Variants in ZCCHC17 observed in about 807,000 individuals in gnomAD.
ZCCHC17 encodes zinc finger CCHC domain-containing protein 17.
ZCCHC17 carries 18 observed loss-of-function variants against 30.6 expected under a neutral mutation model. The observed-to-expected ratio is 0.59, with a 90% confidence interval of 0.41 to 0.87. The LOEUF (loss-of-function observed/expected upper bound fraction) is 0.87. Among genes scored for constraint, ZCCHC17 ranks in the 40% least tolerant of loss-of-function variants. ZCCHC17 has a pLI of 0.00. For synonymous variants in ZCCHC17, 88 were observed against 92.4 expected (o/e 0.95, Z 0.27); for missense variants, 263 against 284.2 (o/e 0.93, Z 0.54).
At chr1:31,317,173 C>T (rs564640393) in intron 2 of ZCCHC17, among the ~76,000 whole-genome samples, 41 of 151,922 alleles carry the variant, frequency 2.7e-4, no homozygotes, top group Non-Finnish European at 3.2e-4. Context: ...TACAGACGCC[C>T]ACCACCAGAC....
intron 7 of ZCCHC17, 26 bp from the exon 8 acceptor site, chr1:31,364,006 G>A: frequency 6.2e-7 from 1 of 1,607,674 alleles, no homozygotes; most frequent in African/African-American, 1.3e-5. Flanking sequence ...CACATACAGT[G>A]TTGATTTTTA....
chr1:31,304,304 TGTTGCCCAGGGTGGA>T (rs1021592670), intron 1 of ZCCHC17, among the ~76,000 whole-genome samples: 3 of 151,618 alleles, frequency 2.0e-5, no homozygotes, highest in South Asian at 2.1e-4. Flanking sequence ...ACAGAGTCTC[TGTTGCCCAGGGTGGA>T]GTTGCCCAGG....
chr1:31,363,917 C>A, intron 7 of ZCCHC17, 115 bp from the exon 8 acceptor site: 3 of 1,440,036 alleles, frequency 2.1e-6, no homozygotes, highest in Non-Finnish European at 2.7e-6. Flanking sequence ...CCCACCTCGG[C>A]TTCCCAAAGT....
chr1:31,305,860 T>C (rs1313055274), intron 1 of ZCCHC17, among the ~76,000 whole-genome samples: 1 of 152,232 alleles, frequency 6.6e-6, no homozygotes, highest in Non-Finnish European at 1.5e-5. Flanking sequence ...ATTTAAAAAA[T>C]GACAACCATT....
rs1352806294 is a variant in ZCCHC17 at position 31,310,072 on chromosome 1, A to G, written c.-27A>G. ...ACTTGTATTAGCTTTAATAGAAGAG[A>G]AATGGAGGAGCCATAGAATATTAAG... On this transcript the variant is annotated 5_prime_UTR_variant, in exon 2 of 8. Coordinates refer to ENST00000344147, the MANE Select transcript of ZCCHC17 (RefSeq NM_016505.4). 6.2e-7 allele frequency: 1 copy of G among 1,611,778 alleles called. No homozygotes were observed. Among genetic ancestry groups the G allele is most frequent in the African/African-American group, 1.3e-5 (1 of 74,822 alleles).
intron 7 of ZCCHC17, among the ~76,000 whole-genome samples, chr1:31,357,602 C>T (rs1639690422): frequency 6.6e-6 from 1 of 152,230 alleles, no homozygotes; most frequent in African/African-American, 2.4e-5. Context: ...AGATAATAAA[C>T]TGGTAAACAA....
At chr1:31,340,269 G>T (rs572446230) in intron 5 of ZCCHC17, among the ~76,000 whole-genome samples, 33 of 150,068 alleles carry the variant, frequency 2.2e-4, no homozygotes, top group African/African-American at 8.1e-4. Flanking sequence ...ATTTCTCATC[G>T]GAGGTTCTTG....
At chr1:31,350,080 A>C (rs1374032004) in intron 7 of ZCCHC17, among the ~76,000 whole-genome samples, 1 of 152,196 alleles carries the variant, frequency 6.6e-6, no homozygotes, top group East Asian at 1.9e-4. Flanking sequence ...CATAAAACAG[A>C]TATTATTGTG....
intron 5 of ZCCHC17, among the ~76,000 whole-genome samples, chr1:31,339,556 A>G (rs1443592762): frequency 1.3e-5 from 2 of 152,216 alleles, no homozygotes; most frequent in African/African-American, 4.8e-5. Flanking sequence ...ACCTTGCTGC[A>G]TAGAGTTCTA....
intron 3 of ZCCHC17, among the ~76,000 whole-genome samples, chr1:31,336,528 AC>A (rs1483944919): frequency 6.6e-6 from 1 of 152,226 alleles, no homozygotes; most frequent in African/African-American, 2.4e-5. Flanking sequence ...AATAAGATTT[AC>A]AATATTTAAA....
chr1:31,316,163 A>G (rs1646726232), intron 2 of ZCCHC17, among the ~76,000 whole-genome samples: 1 of 152,142 alleles, frequency 6.6e-6, no homozygotes, highest in Non-Finnish European at 1.5e-5. Context: ...GTGCAGTAGC[A>G]TGATCTTGGC....
chr1:31,303,321 A>G (rs528611143), intron 1 of ZCCHC17, among the ~76,000 whole-genome samples: 214 of 152,256 alleles, frequency 1.4e-3, no homozygotes, highest in Non-Finnish European at 1.6e-3. Context: ...CTCTGGAGTC[A>G]TTATTCTGTC....
Position 31,364,556 on chromosome 1 carries a change from G to C in ZCCHC17, c.*363G>C, listed in dbSNP as rs1243616467. Reference sequence around the variant, plus strand: ...CTAGAGCCACAGAGACTGTTGTGGAGGTGAGTTCGGCTGTAGTTAGAGTGA... The same window carrying C: ...CTAGAGCCACAGAGACTGTTGTGGACGTGAGTTCGGCTGTAGTTAGAGTGA... On this transcript the variant is annotated 3_prime_UTR_variant, in exon 8 of 8. Transcript: ENST00000344147. 5.4e-5 allele frequency: 13 copies of C among 241,254 alleles called. No individual in the cohort carries two copies. Among genetic ancestry groups the C allele is most frequent in the Non-Finnish European group, 1.1e-4 (13 of 122,134 alleles). 14.9% of individuals were successfully genotyped at this position (241,254 alleles called of 1,614,324 possible).
At chr1:31,297,387 G>C (rs991161633) in intron 1 of ZCCHC17, among the ~76,000 whole-genome samples, 2 of 152,190 alleles carry the variant, frequency 1.3e-5, no homozygotes, top group Admixed American at 1.3e-4. Flanking sequence ...GCCCCATTTG[G>C]CCGAGGAGGC....
intron 2 of ZCCHC17, among the ~76,000 whole-genome samples, chr1:31,313,794 C>A (rs1480958968): frequency 6.6e-6 from 1 of 152,124 alleles, no homozygotes; most frequent in Non-Finnish European, 1.5e-5. Context: ...CTGCCCTCCA[C>A]AGAATAACTC....
intron 3 of ZCCHC17, among the ~76,000 whole-genome samples, chr1:31,332,878 T>C (rs1055076532): frequency 5.9e-5 from 9 of 152,136 alleles, no homozygotes; most frequent in Non-Finnish European, 1.0e-4. Flanking sequence ...CGGCTCAGCC[T>C]CCGAAGGTGC....
At chr1:31,320,813 TG>T (rs903372548) in intron 3 of ZCCHC17, among the ~76,000 whole-genome samples, 1 of 152,190 alleles carries the variant, frequency 6.6e-6, no homozygotes, top group African/African-American at 2.4e-5. Context: ...GTGGAAATAC[TG>T]GGTCATATGA....
intron 5 of ZCCHC17, among the ~76,000 whole-genome samples, chr1:31,339,906 C>T (rs1433255332): frequency 1.4e-5 from 2 of 146,240 alleles, no homozygotes; most frequent in Non-Finnish European, 3.0e-5. Context: ...CTATGTAGGA[C>T]AATGTCTGGC....
chr1:31,354,219 AT>A (rs1333018412), intron 7 of ZCCHC17, among the ~76,000 whole-genome samples: 1 of 151,382 alleles, frequency 6.6e-6, no homozygotes, highest in African/African-American at 2.4e-5. Flanking sequence ...TGTTTTCTTA[AT>A]TTTTTTTCTG....
Sources: gnomAD v4.1 joint callset for allele counts (sites outside exome capture counted in the v4.1 genomes callset) on GRCh38, gnomAD v4.1.1 for gene constraint, MANE v1.5 for transcripts, NCBI Gene and HGNC (gene_info 2026-07-23, HGNC 2026-07-21) for gene names.